The following LRMDA variants were observed in gnomAD, a reference collection of about 807,000 sequenced individuals.
LRMDA encodes the protein leucine-rich melanocyte differentiation-associated protein.
Under a neutral mutation model 29.8 loss-of-function variants are expected in LRMDA, and 18 were observed. The ratio of observed to expected loss-of-function variants is 0.60; its 90% CI spans 0.42 to 0.90. LRMDA has a LOEUF of 0.90. Ranked by LOEUF, LRMDA falls within the 40% of genes least tolerant of loss-of-function variation. The pLI, the probability that LRMDA is intolerant of heterozygous loss-of-function variation, is 0.00. For synonymous variants in LRMDA, 125 were observed against 109.4 expected, an observed-to-expected ratio of 1.14 and a Z score of -0.89; for missense variants, 273 against 273.9, an observed-to-expected ratio of 1.00 and a Z score of 0.02.
chr10:76,173,378 G>T (rs1850872896), intron 5 of LRMDA, among the ~76,000 whole-genome samples: 1 of 152,014 alleles, frequency 6.6e-6, no homozygotes, highest in Non-Finnish European at 1.5e-5. Context: ...AAAGAGAAAA[G>T]CAAAAGAGAA....
At chr10:75,806,895 C>G (rs1160709984) in intron 2 of LRMDA, among the ~76,000 whole-genome samples, 6 of 151,886 alleles carry the variant, frequency 4.0e-5, no homozygotes, top group African/African-American at 1.4e-4. Flanking sequence ...ATGTCTTAGG[C>G]TCTTAAAGTG....
At chr10:76,532,496 G>A (rs1237551664) in intron 6 of LRMDA, among the ~76,000 whole-genome samples, 1 of 152,218 alleles carries the variant, frequency 6.6e-6, no homozygotes, top group Non-Finnish European at 1.5e-5. Context: ...GAGTCAGACA[G>A]TATCCTTGGG....
intron 5 of LRMDA, among the ~76,000 whole-genome samples, chr10:76,279,308 G>A (rs1480814110): frequency 1.3e-5 from 2 of 152,082 alleles, no homozygotes; most frequent in Admixed American, 6.6e-5. Flanking sequence ...TGTTGATAAC[G>A]AATGTAAAGT....
At chr10:75,707,961 T>C (rs1256373985) in intron 2 of LRMDA, among the ~76,000 whole-genome samples, 1 of 152,190 alleles carries the variant, frequency 6.6e-6, no homozygotes, top group Non-Finnish European at 1.5e-5. Flanking sequence ...CTTCTTGACC[T>C]TTCTTGTTCA....
intron 2 of LRMDA, among the ~76,000 whole-genome samples, chr10:75,463,018 C>T (rs1162562680): frequency 6.6e-6 from 1 of 152,196 alleles, no homozygotes; most frequent in Admixed American, 6.5e-5. Context: ...TAGATGCAGG[C>T]GAGTTCTGGA....
intron 2 of LRMDA, among the ~76,000 whole-genome samples, chr10:75,697,136 G>A (rs766042185): frequency 4.6e-5 from 7 of 152,094 alleles, no homozygotes; most frequent in Non-Finnish European, 8.8e-5. Context: ...AAGGAGGTGA[G>A]ATCAGTAGGA....
chr10:75,665,251 T>C (rs189902012), intron 2 of LRMDA, among the ~76,000 whole-genome samples: 1 of 152,318 alleles, frequency 6.6e-6, no homozygotes, highest in East Asian at 1.9e-4. Flanking sequence ...ACTTTTCAGA[T>C]CTCTTTACAG....
chr10:75,852,926 G>A (rs1006580774), intron 2 of LRMDA, among the ~76,000 whole-genome samples: 1 of 152,118 alleles, frequency 6.6e-6, no homozygotes, highest in Non-Finnish European at 1.5e-5. Flanking sequence ...GAGACCTCAG[G>A]AAACTTACAA....
chr10:76,150,538 T>G (rs113536544), intron 5 of LRMDA, among the ~76,000 whole-genome samples: 2 of 152,298 alleles, frequency 1.3e-5, no homozygotes, highest in African/African-American at 4.8e-5. Flanking sequence ...AATAAAACAC[T>G]ACGGCTGTCA....
chr10:75,607,469 T>C (rs1244341300), intron 2 of LRMDA, among the ~76,000 whole-genome samples: 2 of 152,232 alleles, frequency 1.3e-5, no homozygotes, highest in African/African-American at 4.8e-5. Context: ...TGTTCTTATA[T>C]TGAACTATAT....
intron 2 of LRMDA, among the ~76,000 whole-genome samples, chr10:75,726,589 A>G (rs2132193113): frequency 6.6e-6 from 1 of 152,296 alleles, no homozygotes; most frequent in Middle Eastern, 3.4e-3. Context: ...CATGGCCCCT[A>G]CTGGGAGGGA....
At chr10:75,539,771 G>A (rs1839993815) in intron 2 of LRMDA, among the ~76,000 whole-genome samples, 1 of 152,100 alleles carries the variant, frequency 6.6e-6, no homozygotes, top group South Asian at 2.1e-4. Context: ...TATTGTTGAT[G>A]TATTGGCGAT....
Position 76,376,865 on chromosome 10 carries a change from C to CTT in LRMDA, c.601+52417_601+52418dup, listed in dbSNP as rs71024600. ...AAATGTTTGTTGGGCACTTGGAAGT[C>CTT]TTTTTTTTTTTTTTTTTTTTTTTTT... On this transcript the variant is annotated intron_variant, in intron 6 of 6. Coordinates refer to ENST00000611255, the MANE Select transcript of LRMDA (RefSeq NM_001305581.2). Among the ~76,000 whole-genome samples, 26 of 47,374 alleles carry CTT rather than the reference C, an allele frequency of 5.5e-4. 12 individuals are homozygous for CTT. Among genetic ancestry groups the CTT allele is most frequent in the East Asian group, 2.7e-3 (4 of 1,484 alleles). The allele number at this position is 47,374 out of a possible 152,430, so 31.1% of individuals were successfully genotyped here. A position where few individuals can be genotyped will look rare whatever the true frequency, so the allele number is the denominator to read the frequency against.
chr10:75,859,742 A>C (rs1166021501), intron 2 of LRMDA, among the ~76,000 whole-genome samples: 1 of 151,942 alleles, frequency 6.6e-6, no homozygotes, highest in Non-Finnish European at 1.5e-5. Flanking sequence ...TAGGTTTTAA[A>C]TTTTGATGCT....
At chr10:75,949,500 G>A (rs1405186821) in intron 2 of LRMDA, among the ~76,000 whole-genome samples, 1 of 152,178 alleles carries the variant, frequency 6.6e-6, no homozygotes. Flanking sequence ...ATGGGCTCAC[G>A]TGGTTTTCCT....
intron 2 of LRMDA, among the ~76,000 whole-genome samples, chr10:75,557,341 T>C (rs1346007022): frequency 6.7e-6 from 1 of 148,650 alleles, no homozygotes; most frequent in Non-Finnish European, 1.5e-5. Context: ...AGTAAAATGG[T>C]AGACTTGACT....
chr10:76,132,456 C>A (rs958827587), intron 5 of LRMDA, among the ~76,000 whole-genome samples: 2 of 152,212 alleles, frequency 1.3e-5, no homozygotes, highest in African/African-American at 4.8e-5. Flanking sequence ...TTTATTACAT[C>A]ATATTCATAC....
chr10:75,822,388 C>G (rs149669007), intron 2 of LRMDA, among the ~76,000 whole-genome samples: 2,021 of 152,168 alleles, frequency 0.013, 53 homozygotes, highest in African/African-American at 0.047. Context: ...TACCATACTG[C>G]CCAAAGCAAT....
In LRMDA at chr10:76,036,084, G is replaced by A. The variant is rs1589297673; in HGVS notation, c.208G>A (p.Val70Met). 23 of 1,614,140 alleles carry A rather than the reference G, an allele frequency of 1.4e-5. No homozygotes were observed. The East Asian group carries it at 4.0e-4, about 28-fold the overall frequency. ...LDNNQLGDDLVLPGLPRLHTL... is the reference protein window; with the variant it reads ...LDNNQLGDDLMLPGLPRLHTL... ...CAACAATCAGCTGGGGGACGACCTT[G>A]TGTTGCCAGGGTTACCCAGACTGCA... Residue 70 changes from valine to methionine, a missense_variant, in exon 3 of 7, where the codon GTG becomes ATG. Val to Met is a conservative substitution (Grantham distance 21, BLOSUM62 1). Transcript: ENST00000611255.
Sources: gnomAD v4.1 joint callset for allele counts (sites outside exome capture counted in the v4.1 genomes callset) on GRCh38, gnomAD v4.1.1 for gene constraint, MANE v1.5 for transcripts, NCBI Gene and HGNC (gene_info 2026-07-23, HGNC 2026-07-21) for gene names.